Variants in KLHL14 observed in about 807,000 individuals in gnomAD.
KLHL14 encodes kelch like family member 14, also known as kelch-like protein 14.
A neutral mutation model predicts 64.3 loss-of-function variants in KLHL14; 22 were observed. The ratio of observed to expected loss-of-function variants is 0.34; its 90% CI spans 0.24 to 0.49. The LOEUF (loss-of-function observed/expected upper bound fraction) is 0.49, where lower values mean the gene tolerates loss of function less well. Among genes scored for constraint, KLHL14 ranks in the 20% least tolerant of loss-of-function variants. The probability of loss-of-function intolerance (pLI) is 0.99; values close to 1 mark genes in which losing one functional copy is unlikely to be tolerated. For synonymous variants in KLHL14, 322 were observed against 333.4 expected, an observed-to-expected ratio of 0.97 and a Z score of 0.37; for missense variants, 661 against 789.0, an observed-to-expected ratio of 0.84 and a Z score of 1.94.
chr18:32,769,938 G>T lies in KLHL14; in HGVS notation c.654C>A (p.Phe218Leu). 1.9e-6 allele frequency: 3 copies of T among 1,614,164 alleles called. No individual in the cohort carries two copies. Among genetic ancestry groups the T allele is most frequent in the Non-Finnish European group, 2.5e-6 (3 of 1,180,040 alleles). Residue 218 changes from phenylalanine to leucine, a missense_variant, in exon 2 of 9, where the codon TTC (phenylalanine) becomes TTA (leucine). This residue lies in a region of KLHL14 where 331 missense variants were observed against 339.0 expected (regional missense o/e 0.98). Coordinates refer to ENST00000359358, the MANE Select transcript of KLHL14 (RefSeq NM_020805.3). ...AGTCCAGCAGGGCGCGCATCTCCTC[G>T]AAGTTGAGCAGCAGCACATCCTCCA... ...YLVEDVLLLN[F>L]EEMRALLDSL...
At chr18:32,731,889 A>G (rs1342020796) in intron 3 of KLHL14, among the ~76,000 whole-genome samples, 1 of 152,198 alleles carries the variant, frequency 6.6e-6, no homozygotes, top group Non-Finnish European at 1.5e-5. Flanking sequence ...AATGCATTAT[A>G]ATAATATTTA....
intron 3 of KLHL14, among the ~76,000 whole-genome samples, chr18:32,709,554 C>G (rs2144498855): frequency 6.6e-6 from 1 of 152,062 alleles, no homozygotes; most frequent in Non-Finnish European, 1.5e-5. Flanking sequence ...CACAAGGGAT[C>G]CTCCCCCCTC....
At chr18:32,739,043 A>G (rs1057226198) in intron 3 of KLHL14, among the ~76,000 whole-genome samples, 4 of 152,138 alleles carry the variant, frequency 2.6e-5, no homozygotes, top group Admixed American at 6.6e-5. Context: ...TTTGCTCAAC[A>G]TAAGTGGGCA....
chr18:32,763,834 G>T (rs1249064395), intron 2 of KLHL14, among the ~76,000 whole-genome samples: 4 of 152,158 alleles, frequency 2.6e-5, no homozygotes, highest in Non-Finnish European at 2.9e-5. Context: ...TTGGATCAAG[G>T]TCAGGCACTG....
chr18:32,761,426 G>A (rs1215975909), intron 2 of KLHL14, among the ~76,000 whole-genome samples: 1 of 145,500 alleles, frequency 6.9e-6, no homozygotes, highest in East Asian at 2.0e-4. Context: ...TTCCTGGAAG[G>A]TGCCAAGCTC....
chr18:32,727,683 G>A lies in KLHL14; in HGVS notation c.1069+14245C>T, dbSNP rs113694691. 2.3e-3 allele frequency among the ~76,000 whole-genome samples: 352 copies of A among 152,250 alleles called. 1 individual carries two copies. The highest frequency in any genetic ancestry group is 8.1e-3 in the African/African-American group (336 of 41,540). On this transcript the variant is annotated intron_variant, in intron 3 of 8. Transcript: ENST00000359358. ...TTAAAATGAAAGCTCTAAAGTGGAA[G>A]GAGTAATTTAATCCCATGAAATGTT...
At chr18:32,729,643 C>CA (rs1369453277) in intron 3 of KLHL14, among the ~76,000 whole-genome samples, 3 of 151,998 alleles carry the variant, frequency 2.0e-5, no homozygotes, top group South Asian at 2.1e-4. Context: ...ATTTTGTCTG[C>CA]AAAAAAGCCT....
intron 2 of KLHL14, chr18:32,745,078 GGC>G (rs1184695379): frequency 6.6e-6 from 1 of 152,174 alleles, no homozygotes. Flanking sequence ...TACCCTCAAT[GGC>G]TGTGTGTTTT....
At chr18:32,746,868 C>T (rs1300038388) in intron 2 of KLHL14, among the ~76,000 whole-genome samples, 2 of 152,130 alleles carry the variant, frequency 1.3e-5, no homozygotes, top group African/African-American at 2.4e-5. Context: ...ATTTTGGATT[C>T]TTAGTATAGA....
intron 2 of KLHL14, among the ~76,000 whole-genome samples, chr18:32,746,179 C>T (rs771594984): frequency 3.3e-5 from 5 of 152,104 alleles, no homozygotes; most frequent in Admixed American, 1.3e-4. Context: ...GACCAAAGTA[C>T]GTATTGAAAG....
chr18:32,687,418 CCTCTTTCCTT>C (rs1178405901), intron 4 of KLHL14, among the ~76,000 whole-genome samples, 185 bp from the exon 5 acceptor site: 1 of 152,160 alleles, frequency 6.6e-6, no homozygotes, highest in Non-Finnish European at 1.5e-5. Flanking sequence ...AAGTGTTTTT[CCTCTTTCCTT>C]CTCTTTCCTT....
chr18:32,710,844 T>G (rs9966576), intron 3 of KLHL14, among the ~76,000 whole-genome samples: 45,262 of 151,954 alleles, frequency 0.3, 7,016 homozygotes, highest in African/African-American at 0.37. Context: ...ATGGTGGCTG[T>G]TGAACTGTTA....
intron 3 of KLHL14, among the ~76,000 whole-genome samples, chr18:32,717,258 T>C (rs1286408174): frequency 2.6e-5 from 4 of 152,208 alleles, no homozygotes; most frequent in Admixed American, 2.0e-4. Context: ...TTTAAGTAAA[T>C]GAGTCAAACC....
chr18:32,679,430 TTCTTCA>T (rs1252247442), intron 7 of KLHL14, among the ~76,000 whole-genome samples: 1 of 152,140 alleles, frequency 6.6e-6, no homozygotes, highest in Non-Finnish European at 1.5e-5. Context: ...ATAGAGCAGT[TTCTTCA>T]TCTTCAGATG....
At chr18:32,714,882 T>G (rs1291045694) in intron 3 of KLHL14, among the ~76,000 whole-genome samples, 1 of 139,320 alleles carries the variant, frequency 7.2e-6, no homozygotes, top group African/African-American at 2.8e-5. Flanking sequence ...AAAACTCTGG[T>G]GGTCCTTTTT....
chr18:32,723,540 C>G (rs2144512656), intron 3 of KLHL14, among the ~76,000 whole-genome samples: 1 of 152,238 alleles, frequency 6.6e-6, no homozygotes, highest in Admixed American at 6.5e-5. Context: ...TTAGTTGGCC[C>G]TTTCCACAGA....
chr18:32,769,511 T>G (rs1278626906), intron 2 of KLHL14, 134 bp downstream of exon 2: 4 of 791,652 alleles, frequency 5.1e-6, no homozygotes, highest in Non-Finnish European at 5.8e-6. Context: ...CTGAATTGTT[T>G]GCGTTTGTTT....
chr18:32,753,387 ACCCCTTCACTTCTCATCCCG>A (rs1240113498), intron 2 of KLHL14, among the ~76,000 whole-genome samples: 7 of 144,370 alleles, frequency 4.8e-5, no homozygotes, highest in African/African-American at 1.0e-4. Context: ...CCATCTTCCC[ACCCCTTCACTTCTCATCCCG>A]CCCCTTCACT....
chr18:32,770,066 A>G lies in KLHL14; in HGVS notation c.526T>C (p.Phe176Leu). ...IPQVTKLCVQ[F>L]LNDQISVQNY... ...TGCACCGAGATCTGGTCGTTGAGGAACTGCACGCAGAGCTTGGTGACCTGG... is the reference window on the plus strand; with the variant it reads ...TGCACCGAGATCTGGTCGTTGAGGAGCTGCACGCAGAGCTTGGTGACCTGG... Residue 176 changes from phenylalanine (F) to leucine (L), a missense_variant, in exon 2 of 9, where the codon TTC becomes CTC. By Grantham distance (22) the Phe-to-Leu change is conservative (BLOSUM62 0). Around this residue, in one of 2 missense-constraint regions of KLHL14, gnomAD observed 331 missense variants for 339.0 expected, o/e 0.98. Coordinates refer to ENST00000359358, the MANE Select transcript of KLHL14 (RefSeq NM_020805.3). The surrounding 1 kb of genome is among the most constrained non-coding windows in gnomAD (Gnocchi z 6.7). 3 of 1,613,986 alleles carry G rather than the reference A, an allele frequency of 1.9e-6. No homozygotes were observed. The highest frequency in any genetic ancestry group is 2.5e-6 in the Non-Finnish European group (3 of 1,179,982).
Sources: allele counts gnomAD v4.1 joint callset (sites outside exome capture counted in the v4.1 genomes callset), GRCh38; gene constraint gnomAD v4.1.1; regional missense constraint gnomAD v4.1.1; non-coding constraint Gnocchi (gnomAD v3.1); transcripts MANE v1.5; gene names NCBI Gene and HGNC (gene_info 2026-07-23, HGNC 2026-07-21).